The following PRRC2C variants were observed in gnomAD, a reference collection of about 807,000 sequenced individuals.
PRRC2C encodes the protein proline rich coiled-coil 2C, also known as protein PRRC2C.
PRRC2C carries 72 observed loss-of-function variants against 317.2 expected under a neutral mutation model. That is an observed-to-expected ratio of 0.23 (90% confidence interval 0.19 to 0.28). PRRC2C has a LOEUF of 0.28. PRRC2C is among the 10% of genes least tolerant of loss of function. PRRC2C has a pLI of 1.00. For missense variants in PRRC2C, 3,074 were observed against 3,459.7 expected (o/e 0.89, Z 2.80); for synonymous variants, 1,296 against 1,205.9 (o/e 1.07, Z -1.55).
rs1286395522 is a variant in PRRC2C, at chr1:171,593,470, G to A, written c.*1623G>A. On this transcript the variant is annotated 3_prime_UTR_variant, in exon 35 of 35. Coordinates refer to ENST00000647382, the MANE Select transcript of PRRC2C (RefSeq NM_001387844.1). ...AAATATGTAAGGTCTTATCTACATG[G>A]GTTTGATTACAGAAACTAATAAAGT... 3 of 151,932 alleles carry A rather than the reference G, an allele frequency of 2.0e-5. No individual in the cohort carries two copies. Among genetic ancestry groups the A allele is most frequent in the Non-Finnish European group, 4.4e-5 (3 of 68,000 alleles). 9.4% of individuals were successfully genotyped at this position (151,932 alleles called of 1,614,324 possible). A position where few individuals can be genotyped will look rare whatever the true frequency, so the allele number is the denominator to read the frequency against.
At chr1:171,503,780 T>G (rs1467678260) in intron 1 of PRRC2C, among the ~76,000 whole-genome samples, 1 of 152,158 alleles carries the variant, frequency 6.6e-6, no homozygotes, top group Non-Finnish European at 1.5e-5. Context: ...GAGGTTTAAT[T>G]GACTCACAGT....
At chr1:171,488,234 G>C (rs1368270655) in intron 1 of PRRC2C, among the ~76,000 whole-genome samples, 1 of 152,190 alleles carries the variant, frequency 6.6e-6, no homozygotes, top group Non-Finnish European at 1.5e-5. Context: ...GTACAGAATT[G>C]TATTCTTACA....
At chr1:171,514,262 ATGTGTGTGTGTGTG>A (rs10531775) in intron 3 of PRRC2C, among the ~76,000 whole-genome samples, 1 of 148,584 alleles carries the variant, frequency 6.7e-6, no homozygotes, top group Non-Finnish European at 1.5e-5. Context: ...GTGTGTGTGT[ATGTGTGTGTGTGTG>A]TGTGTGTGTG....
At chr1:171,503,918 C>T (rs553920856) in intron 1 of PRRC2C, among the ~76,000 whole-genome samples, 1 of 152,264 alleles carries the variant, frequency 6.6e-6, no homozygotes, top group South Asian at 2.1e-4. Flanking sequence ...ACCATCAGAT[C>T]TCTTTAGAAT....
At chr1:171,518,493 A>AATTTTTTTTC (rs1489828558) in intron 6 of PRRC2C, among the ~76,000 whole-genome samples, 1 of 65,596 alleles carries the variant, frequency 1.5e-5, no homozygotes, top group African/African-American at 4.5e-5. Flanking sequence ...ATTTTTTTTC[A>AATTTTTTTTC]ATTTTTTTTT....
At chr1:171,549,513 C>T (rs1453855486) in intron 17 of PRRC2C, among the ~76,000 whole-genome samples, 4 of 152,004 alleles carry the variant, frequency 2.6e-5, no homozygotes, top group Non-Finnish European at 5.9e-5. Flanking sequence ...TAAGGCATTA[C>T]TTCTATATTA....
At chr1:171,492,156 C>A (rs1406454825) in intron 1 of PRRC2C, among the ~76,000 whole-genome samples, 1 of 152,028 alleles carries the variant, frequency 6.6e-6, no homozygotes, top group Non-Finnish European at 1.5e-5. Flanking sequence ...TTTGTAGCCC[C>A]CACAACTAGG....
intron 9 of PRRC2C, 41 bp from the exon 10 acceptor site, chr1:171,524,780 C>A (rs1233169747): frequency 6.6e-7 from 1 of 1,503,898 alleles, no homozygotes; most frequent in Admixed American, 2.5e-5. Flanking sequence ...ACTTATGATA[C>A]AGTTGGTCCA....
chr1:171,544,616 A>T (rs1188831859), intron 16 of PRRC2C, among the ~76,000 whole-genome samples: 1 of 152,234 alleles, frequency 6.6e-6, no homozygotes, highest in Non-Finnish European at 1.5e-5. Flanking sequence ...AACAATACTC[A>T]GGGAAAATTT....
chr1:171,538,043 G>A (rs564418423), intron 15 of PRRC2C, among the ~76,000 whole-genome samples: 3 of 152,280 alleles, frequency 2.0e-5, no homozygotes, highest in African/African-American at 7.2e-5. Flanking sequence ...TGGGACTACA[G>A]GCACCCGCCA....
chr1:171,533,659 C>CT (rs1347779198), intron 12 of PRRC2C, among the ~76,000 whole-genome samples: 1 of 152,106 alleles, frequency 6.6e-6, no homozygotes, highest in Non-Finnish European at 1.5e-5. Flanking sequence ...GAGTCTCTCT[C>CT]TGTCTCCAGG....
intron 18 of PRRC2C, among the ~76,000 whole-genome samples, chr1:171,552,536 G>C (rs1325713222): frequency 6.6e-6 from 1 of 152,164 alleles, no homozygotes; most frequent in Non-Finnish European, 1.5e-5. Context: ...TCCCTGTCTT[G>C]TGCCAGTTTT....
At chr1:171,514,039 C>T (rs1446097903) in intron 3 of PRRC2C, among the ~76,000 whole-genome samples, 2 of 152,180 alleles carry the variant, frequency 1.3e-5, no homozygotes, top group African/African-American at 2.4e-5. Context: ...ACCTTTTACT[C>T]ATGTGAATGC....
At position 171,550,120 on chromosome 1, in the gene PRRC2C, A is replaced by G. The variant is rs1311448563; in HGVS notation, c.5007A>G (p.Thr1669=). ...VVIIDDHPEV[T]VIEDPQSNLN... ...TAATTGATGATCATCCTGAAGTAAC[A>G]GTAATTGAAGATCCCCAGTCAAATT... The change falls in exon 18 of 35, where the codon ACA becomes ACG. Residue 1669 remains threonine, a synonymous_variant. Transcript: ENST00000647382. The G allele has an allele frequency of 3.1e-6, 5 of 1,608,300 alleles. No homozygotes were observed. The highest frequency in any genetic ancestry group is 3.4e-6 in the Non-Finnish European group (4 of 1,177,088).
rs914762544 is a variant in PRRC2C, at chr1:171,589,415, A to C, written c.8246A>C (p.His2749Pro). Residue 2749 changes from histidine (H) to proline (P), a missense_variant, in exon 34 of 35, where the codon CAT (histidine) becomes CCT (proline). Physicochemically the swap from His to Pro is moderately conservative, Grantham distance 77 (BLOSUM62 -2). Around this residue, in one of 11 missense-constraint regions of PRRC2C, gnomAD observed 490 missense variants for 663.1 expected, o/e 0.74. Coordinates refer to ENST00000647382, the MANE Select transcript of PRRC2C (RefSeq NM_001387844.1). Reference protein sequence around the residue: ...NLVPPLVRAPHTNTFPAPVQR... With the variant: ...NLVPPLVRAPPTNTFPAPVQR... ...GTCCCTCCATTGGTAAGAGCCCCAC[A>C]TACTAACACCTTCCCAGCGCCTGTT... is the stretch of plus-strand genomic sequence containing the variant. 4.7e-6 allele frequency: 6 copies of C among 1,288,382 alleles called. No individual in the cohort carries two copies. In the African/African-American group the frequency reaches 7.7e-5, roughly 16 times the overall value. 79.8% of individuals were successfully genotyped at this position (1,288,382 alleles called of 1,614,324 possible). A position where few individuals can be genotyped will look rare whatever the true frequency, so the allele number is the denominator to read the frequency against.
chr1:171,553,764 G>C (rs533513220), intron 18 of PRRC2C, among the ~76,000 whole-genome samples: 2 of 152,320 alleles, frequency 1.3e-5, no homozygotes, highest in East Asian at 3.9e-4. Flanking sequence ...CAGTTTCCAT[G>C]TAGTTGTGTG....
At chr1:171,565,076 T>G (rs1683390693) in intron 20 of PRRC2C, among the ~76,000 whole-genome samples, 1 of 152,216 alleles carries the variant, frequency 6.6e-6, no homozygotes, top group Non-Finnish European at 1.5e-5. Context: ...TGTCTTTTCA[T>G]GAAAAGATTA....
intron 25 of PRRC2C, among the ~76,000 whole-genome samples, chr1:171,575,695 ACTAT>A (rs1685580464): frequency 6.6e-6 from 1 of 152,158 alleles, no homozygotes; most frequent in Non-Finnish European, 1.5e-5. Flanking sequence ...TTTTCATTGA[ACTAT>A]CTCATTATTT....
At chr1:171,531,227 G>A (rs1007773367) in intron 11 of PRRC2C, among the ~76,000 whole-genome samples, 5 of 152,186 alleles carry the variant, frequency 3.3e-5, no homozygotes, top group Non-Finnish European at 7.3e-5. Context: ...TGATGGAAAT[G>A]TTGTGTCTGC....
Sources: gnomAD v4.1 joint callset for allele counts (sites outside exome capture counted in the v4.1 genomes callset) on GRCh38, gnomAD v4.1.1 for gene constraint, gnomAD v4.1.1 regional missense constraint, MANE v1.5 for transcripts, NCBI Gene and HGNC (gene_info 2026-07-23, HGNC 2026-07-21) for gene names.